SBK1: variants seen among roughly 807,000 people sequenced by gnomAD.
SBK1 encodes the protein SH3 domain binding kinase 1.
In SBK1, 11 loss-of-function variants were observed where a neutral mutation model predicts 24.4. The observed-to-expected ratio is 0.45, with a 90% confidence interval of 0.28 to 0.75. The LOEUF (loss-of-function observed/expected upper bound fraction) is 0.75. Among genes scored for constraint, SBK1 ranks in the 30% least tolerant of loss-of-function variants. The pLI, the probability that SBK1 is intolerant of heterozygous loss-of-function variation, is 0.12. For missense variants in SBK1, 467 were observed against 620.5 expected (o/e 0.75, Z 2.63); for synonymous variants, 308 against 284.4 (o/e 1.08, Z -0.83).
At chr16:28,295,880 C>T (rs2044635392) in intron 1 of SBK1, among the ~76,000 whole-genome samples, 1 of 151,794 alleles carries the variant, frequency 6.6e-6, no homozygotes, top group African/African-American at 2.4e-5. Context: ...CACCTCCTGG[C>T]CCCCGATGCT....
In SBK1 at chr16:28,320,063, C is replaced by G. The variant is rs755837662; in HGVS notation, c.430-13C>G. 10 of 1,470,990 alleles carry G rather than the reference C, an allele frequency of 6.8e-6. No homozygotes were observed. Among genetic ancestry groups the G allele is most frequent in the South Asian group, 1.4e-5 (1 of 72,496 alleles). The allele number at this position is 1,470,990 out of a possible 1,614,324, so 91.1% of individuals were successfully genotyped here. A position where few individuals can be genotyped will look rare whatever the true frequency, so the allele number is the denominator to read the frequency against. On this transcript the variant is annotated splice_polypyrimidine_tract_variant and intron_variant, in intron 3 of 3. Transcript: ENST00000341901. This position sits in a 1 kb window ranked among gnomAD's most constrained non-coding sequence, Gnocchi z 8.5. ...GAGCTGGAAACAGCGCGGCTTCCCC[C>G]GGCCGCCCGCAGGTGGGGCTCCCTG...
At chr16:28,308,309 C>A (rs1006153310) in intron 1 of SBK1, among the ~76,000 whole-genome samples, 1 of 152,102 alleles carries the variant, frequency 6.6e-6, no homozygotes, top group African/African-American at 2.4e-5. Flanking sequence ...CACCACCACA[C>A]CTGGCTAATT....
chr16:28,320,360 C>A lies in SBK1; in HGVS notation c.714C>A (p.Ala238=), dbSNP rs760465364. ...LAVDTGVDVW[A]FGVLIFCVLT... ...TGGACACGGGCGTGGACGTGTGGGC[C>A]TTCGGCGTGCTCATCTTCTGCGTGC... The change falls in exon 4 of 4, where the codon GCC becomes GCA. Residue 238 remains alanine, a synonymous_variant. Transcript: ENST00000341901. This position sits in a 1 kb window ranked among gnomAD's most constrained non-coding sequence, Gnocchi z 8.5. 5.0e-6 allele frequency: 8 copies of A among 1,593,154 alleles called. No homozygotes were observed. The highest frequency in any genetic ancestry group is 6.0e-6 in the Non-Finnish European group (7 of 1,176,208).
At chr16:28,308,238 C>A (rs895646254) in intron 1 of SBK1, among the ~76,000 whole-genome samples, 1 of 152,126 alleles carries the variant, frequency 6.6e-6, no homozygotes, top group Admixed American at 6.5e-5. Flanking sequence ...GCCAGCTCCA[C>A]CTCCCGGGTT....
Position 28,320,635 on chromosome 16 carries a change from G to C in SBK1, c.989G>C (p.Arg330Pro), listed in dbSNP as rs926738539. 1.6e-6 allele frequency: 2 copies of C among 1,221,854 alleles called. No homozygotes were observed. The highest frequency in any genetic ancestry group is 3.2e-5 in the African/African-American group (2 of 62,166). The allele number at this position is 1,221,854 out of a possible 1,614,324, so 75.7% of individuals were successfully genotyped here. A position where few individuals can be genotyped will look rare whatever the true frequency, so the allele number is the denominator to read the frequency against. ...CGCCGCCGGCCCTCGCACCGCGCGC[G>C]CAAGCCCCCCGGGGACCGCCCGCCC... ...ELRRRPSHRA[R>P]KPPGDRPPAA... is the part of the protein sequence containing the mutation. Residue 330 changes from arginine to proline, a missense_variant, in exon 4 of 4, where the codon CGC becomes CCC. Arg to Pro is a moderately radical substitution (Grantham distance 103, BLOSUM62 -2). Around this residue, in one of 4 missense-constraint regions of SBK1, gnomAD observed 166 missense variants for 146.8 expected, o/e 1.13. Coordinates refer to ENST00000341901, the MANE Select transcript of SBK1 (RefSeq NM_001024401.3). The surrounding 1 kb of genome is among the most constrained non-coding windows in gnomAD (Gnocchi z 8.5).
intron 1 of SBK1, among the ~76,000 whole-genome samples, chr16:28,262,373 T>C (rs1315147438): frequency 6.6e-6 from 1 of 152,200 alleles, no homozygotes; most frequent in Admixed American, 6.5e-5. Context: ...CCTGGGGAAG[T>C]CACTTCTCTT....
At chr16:28,318,633 T>C (rs947750104) in intron 2 of SBK1, among the ~76,000 whole-genome samples, 2 of 152,208 alleles carry the variant, frequency 1.3e-5, no homozygotes, top group Admixed American at 6.5e-5. Context: ...TCATTTCTTA[T>C]TCATTCATCC....
rs1344188516 is a variant in SBK1 at position 28,293,219 on chromosome 16, CCT to C, written c.-88_-87del. 1.0e-6 allele frequency: 1 copy of C among 985,330 alleles called. No homozygotes were observed. The highest frequency in any genetic ancestry group is 1.2e-6 in the Non-Finnish European group (1 of 829,968). The allele number at this position is 985,330 out of a possible 1,614,324, so 61.0% of individuals were successfully genotyped here. A position where few individuals can be genotyped will look rare whatever the true frequency, so the allele number is the denominator to read the frequency against. Reference sequence around the variant, plus strand: ...GCACCCCGGTCCATGGTCGTGGCGCCCTGAGCCCCCGGGGCCGGGCAGACGAA... The same window carrying C: ...GCACCCCGGTCCATGGTCGTGGCGCCGAGCCCCCGGGGCCGGGCAGACGAA... On this transcript the variant is annotated 5_prime_UTR_variant, in exon 1 of 4. An upstream open reading frame in the 5' UTR loses its in-frame stop. Coordinates refer to ENST00000341901, the MANE Select transcript of SBK1 (RefSeq NM_001024401.3).
rs1239470291 is a variant in SBK1 at position 28,320,647 on chromosome 16, G to T, written c.1001G>T (p.Gly334Val). 2 of 1,150,450 alleles carry T rather than the reference G, an allele frequency of 1.7e-6. No homozygotes were observed. The highest frequency in any genetic ancestry group is 1.7e-5 in the African/African-American group (1 of 60,394). 71.3% of individuals were successfully genotyped at this position (1,150,450 alleles called of 1,614,324 possible). A position where few individuals can be genotyped will look rare whatever the true frequency, so the allele number is the denominator to read the frequency against. The change falls in exon 4 of 4, where the codon GGG becomes GTG. Residue 334 changes from glycine (G) to valine (V), a missense_variant. Gly to Val is a moderately radical substitution (Grantham distance 109). Coordinates refer to ENST00000341901, the MANE Select transcript of SBK1 (RefSeq NM_001024401.3). The surrounding 1 kb of genome is among the most constrained non-coding windows in gnomAD (Gnocchi z 8.5). ...RPSHRARKPP[G>V]DRPPAAGPLR... ...TCGCACCGCGCGCGCAAGCCCCCCGGGGACCGCCCGCCCGCCGCCGGGCCA... is the reference window on the plus strand; with the variant it reads ...TCGCACCGCGCGCGCAAGCCCCCCGTGGACCGCCCGCCCGCCGCCGGGCCA...
At chr16:28,263,362 G>A (rs1408677340) in intron 1 of SBK1, among the ~76,000 whole-genome samples, 1 of 152,236 alleles carries the variant, frequency 6.6e-6, no homozygotes, top group Non-Finnish European at 1.5e-5. Context: ...ACCAGGGATG[G>A]TGGAGACAGC....
At chr16:28,306,764 A>T (rs1176097318) in intron 1 of SBK1, among the ~76,000 whole-genome samples, 1 of 152,204 alleles carries the variant, frequency 6.6e-6, no homozygotes, top group Non-Finnish European at 1.5e-5. Context: ...TATTCCCAGC[A>T]CTTAGCCAGG....
chr16:28,320,279 C>T lies in SBK1; in HGVS notation c.633C>T (p.Thr211=). Residue 211 remains threonine, a synonymous_variant, in exon 4 of 4, where the codon ACC becomes ACT. Coordinates refer to ENST00000341901, the MANE Select transcript of SBK1 (RefSeq NM_001024401.3). The surrounding 1 kb of genome is among the most constrained non-coding windows in gnomAD (Gnocchi z 8.5). ...GCCGCGTCAAGCGCGTGAGCGGCAC[C>T]ATCCCTTACACGGCGCCTGAGGTGT... is the stretch of plus-strand genomic sequence containing the variant. ...VGCRVKRVSG[T]IPYTAPEVCQ... 1 of 1,590,082 alleles carries T rather than the reference C, an allele frequency of 6.3e-7. No homozygotes were observed. Among genetic ancestry groups the T allele is most frequent in the African/African-American group, 1.3e-5 (1 of 74,532 alleles).
intron 1 of SBK1, among the ~76,000 whole-genome samples, chr16:28,312,315 G>A (rs561403497): frequency 3.9e-5 from 6 of 152,320 alleles, no homozygotes; most frequent in South Asian, 2.1e-4. Flanking sequence ...CGGTCACCTC[G>A]GTTTTCTAAC....
chr16:28,320,081 G>A lies in SBK1; in HGVS notation c.435G>A (p.Gly145=), dbSNP rs1477004528. 6.7e-7 allele frequency: 1 copy of A among 1,497,076 alleles called. No homozygotes were observed. The highest frequency in any genetic ancestry group is 8.9e-7 in the Non-Finnish European group (1 of 1,129,370). 92.7% of individuals were successfully genotyped at this position (1,497,076 alleles called of 1,614,324 possible). The part of the protein sequence containing the change: ...DLFDIIPPQV[G]LPEDTVKRCV... ...CTTCCCCCGGCCGCCCGCAGGTGGG[G>A]CTCCCTGAGGACACGGTGAAGCGCT... The change falls in exon 4 of 4, where the codon GGG becomes GGA. Residue 145 remains glycine, a synonymous_variant. Transcript: ENST00000341901. The surrounding 1 kb of genome is among the most constrained non-coding windows in gnomAD (Gnocchi z 8.5).
chr16:28,309,149 G>A (rs1392044411), intron 1 of SBK1, among the ~76,000 whole-genome samples: 1 of 152,140 alleles, frequency 6.6e-6, no homozygotes, highest in African/African-American at 2.4e-5. Context: ...TTCTTCTCTT[G>A]TGGCTCCACC....
chr16:28,269,214 T>A (rs1203699156), intron 1 of SBK1, among the ~76,000 whole-genome samples: 1 of 151,504 alleles, frequency 6.6e-6, no homozygotes, highest in Non-Finnish European at 1.5e-5. Context: ...TTGTATTTTT[T>A]AGTAGAGGTG....
upstream of SBK1, chr16:28,291,902 C>T (rs2141574829): frequency 6.6e-6 from 1 of 152,356 alleles, no homozygotes; most frequent in East Asian, 1.9e-4. Flanking sequence ...CACCCAGGCC[C>T]AAGTTTATGA....
In SBK1 at chr16:28,264,287, G is replaced by GA. The variant is rs563316785; in HGVS notation, c.257+4786dup. Among the ~76,000 whole-genome samples, 4 of 152,196 alleles carry GA rather than the reference G, an allele frequency of 2.6e-5. No individual in the cohort carries two copies. In the South Asian group the frequency reaches 8.3e-4, roughly 32 times the overall value. ...GATTCGAGGGAGGAAAAGACTTGGT[G>GA]AGAACATCAAGAATACAGGCTCACG... is the stretch of plus-strand genomic sequence containing the variant. On this transcript the variant is annotated intron_variant, in intron 1 of 3. Transcript: ENST00000671413.
chr16:28,291,966 C>CATGG (rs140535903), upstream of SBK1: 5,367 of 152,064 alleles, frequency 0.035, 135 homozygotes, highest in Non-Finnish European at 0.05. Flanking sequence ...AAATAGGATG[C>CATGG]ATGGATGGAT....
Sources: allele counts gnomAD v4.1 joint callset (sites outside exome capture counted in the v4.1 genomes callset), GRCh38; gene constraint gnomAD v4.1.1; regional missense constraint gnomAD v4.1.1; non-coding constraint Gnocchi (gnomAD v3.1); transcripts MANE v1.5; gene names NCBI Gene and HGNC (gene_info 2026-07-23, HGNC 2026-07-21).